DCT: variants seen among roughly 807,000 people sequenced by gnomAD.
DCT encodes dopachrome tautomerase, also known as L-dopachrome tautomerase.
In DCT, 47 loss-of-function variants were observed where a neutral mutation model predicts 53.0. The ratio of observed to expected loss-of-function variants is 0.89; its 90% confidence interval spans 0.70 to 1.13. DCT has a LOEUF of 1.13. Ranked by LOEUF, DCT falls within the 50% of genes most tolerant of loss-of-function variation. DCT has a pLI of 0.00. For missense variants in DCT, 669 were observed against 637.4 expected (o/e 1.05, Z -0.53); for synonymous variants, 244 against 237.0 (o/e 1.03, Z -0.27).
chr13:94,466,397 T>C (rs111312114), intron 3 of DCT, among the ~76,000 whole-genome samples, 161 bp downstream of exon 3: 1 of 152,158 alleles, frequency 6.6e-6, no homozygotes, highest in African/African-American at 2.4e-5. Flanking sequence ...AAAAGAGATA[T>C]CTCTATGTGA....
In DCT at chr13:94,454,980, C is replaced by T. The variant is rs150676627; in HGVS notation, c.1179+5111G>A. ...TTAACATTAAGCACATTAGAAACAA[C>T]GAACACAAAGATGATTAAATGTCTT... On this transcript the variant is annotated intron_variant, in intron 6 of 7. Coordinates refer to ENST00000377028, the MANE Select transcript of DCT (RefSeq NM_001922.5). Among the ~76,000 whole-genome samples, 656 of 152,146 alleles carry T rather than the reference C, an allele frequency of 4.3e-3. 7 individuals are homozygous for T. Among genetic ancestry groups the T allele is most frequent in the African/African-American group, 0.015 (621 of 41,516 alleles).
the DCT span, among the ~76,000 whole-genome samples, chr13:94,502,826 T>C: frequency 9.2e-5 from 14 of 152,152 alleles, no homozygotes; most frequent in African/African-American, 2.4e-5. Context: ...CCAGACCACA[T>C]CTGCTCATGC....
chr13:94,502,299 C>G, the DCT span, among the ~76,000 whole-genome samples: 1 of 151,690 alleles, frequency 6.6e-6, no homozygotes, highest in Non-Finnish European at 1.5e-5. Context: ...CCTGCTGTCC[C>G]CCTCATCCCA....
At chr13:94,461,909 T>C (rs1883816327) in intron 5 of DCT, 101 bp downstream of exon 5, 9 of 1,022,626 alleles carry the variant, frequency 8.8e-6, no homozygotes, top group South Asian at 1.7e-5. Context: ...CTTAGCTTCG[T>C]AGACAACCCC....
At chr13:94,454,558 A>T (rs1022393692) in intron 6 of DCT, among the ~76,000 whole-genome samples, 3 of 152,278 alleles carry the variant, frequency 2.0e-5, no homozygotes, top group African/African-American at 7.2e-5. Flanking sequence ...ATTACTAGAG[A>T]TTGCTTCAGA....
upstream of DCT, among the ~76,000 whole-genome samples, chr13:94,481,743 T>G (rs1007120329): frequency 3.9e-5 from 6 of 152,174 alleles, no homozygotes; most frequent in African/African-American, 1.4e-4. Flanking sequence ...CTACTGGACC[T>G]CTCTACTTGA....
the DCT span, among the ~76,000 whole-genome samples, chr13:94,502,959 AG>A: frequency 6.6e-6 from 1 of 152,332 alleles, no homozygotes; most frequent in Admixed American, 6.5e-5. Flanking sequence ...ACTAGTAAAG[AG>A]GTGGGTTATA....
rs1883679195 is a variant in DCT at position 94,460,078 on chromosome 13, T to C, written c.1179+13A>G. The C allele has an allele frequency of 6.2e-7, 1 of 1,613,256 alleles. No homozygotes were observed. Among genetic ancestry groups the C allele is most frequent in the African/African-American group, 1.3e-5 (1 of 74,892 alleles). ...CTAGAAAATTTTCATGCATTCTGAA[T>C]CTTTGAACATACCACAAAAATGGGA... On this transcript the variant is annotated intron_variant, in intron 6 of 7. Coordinates refer to ENST00000377028, the MANE Select transcript of DCT (RefSeq NM_001922.5).
the DCT span, among the ~76,000 whole-genome samples, chr13:94,547,982 AAAAT>A: frequency 2.2e-4 from 19 of 84,858 alleles, no homozygotes; most frequent in East Asian, 3.5e-4. Flanking sequence ...AAAAAAAAAA[AAAAT>A]ATATATATAT....
At chr13:94,514,756 G>C in the DCT span, among the ~76,000 whole-genome samples, 1 of 152,202 alleles carries the variant, frequency 6.6e-6, no homozygotes, top group Non-Finnish European at 1.5e-5. Context: ...ACCTAGCCTC[G>C]CATGGCAGGC....
At position 94,438,583 on chromosome 13, in the gene DCT, A is replaced by G; in HGVS notation, c.*1315T>C. ...GGCCTCGACAGACAAGCCACGCCCT[A>G]GAACTTCAGTCTCACTCCTGATGCA... On this transcript the variant is annotated 3_prime_UTR_variant, in exon 8 of 8. Transcript: ENST00000377028. 2.2e-6 allele frequency: 1 copy of G among 455,988 alleles called. No individual in the cohort carries two copies. The highest frequency in any genetic ancestry group is 4.4e-6 in the Non-Finnish European group (1 of 226,770). The allele number at this position is 455,988 out of a possible 1,614,324, so 28.2% of individuals were successfully genotyped here. A position where few individuals can be genotyped will look rare whatever the true frequency, so the allele number is the denominator to read the frequency against.
At chr13:94,495,927 T>A in the DCT span, among the ~76,000 whole-genome samples, 1 of 152,180 alleles carries the variant, frequency 6.6e-6, no homozygotes, top group African/African-American at 2.4e-5. Context: ...TGAAGCTGCA[T>A]GGTAAGTCTG....
chr13:94,489,465 A>G, the DCT span, among the ~76,000 whole-genome samples: 1 of 152,196 alleles, frequency 6.6e-6, no homozygotes, highest in Non-Finnish European at 1.5e-5. Context: ...TACTTAATAA[A>G]GCATAATTTT....
At chr13:94,477,604 T>C (rs576915144) in intron 1 of DCT, among the ~76,000 whole-genome samples, 1 of 152,102 alleles carries the variant, frequency 6.6e-6, no homozygotes, top group South Asian at 2.1e-4. Context: ...AATATATCTA[T>C]GTCACAAACC....
chr13:94,472,037 C>T (rs961779703), intron 1 of DCT, among the ~76,000 whole-genome samples: 6 of 151,946 alleles, frequency 3.9e-5, no homozygotes, highest in Admixed American at 3.3e-4. Flanking sequence ...AAATAACACA[C>T]CTAAAATTTA....
intron 1 of DCT, among the ~76,000 whole-genome samples, chr13:94,471,857 T>C (rs543313260): frequency 3.3e-5 from 5 of 152,158 alleles, no homozygotes; most frequent in Non-Finnish European, 7.3e-5. Context: ...ATGATAATAA[T>C]GTCGGTAGAG....
Position 94,439,552 on chromosome 13 carries a change from C to A in DCT, c.*346G>T. On this transcript the variant is annotated 3_prime_UTR_variant, in exon 8 of 8. Transcript: ENST00000377028. ...TGACCTGCAAATTTAAATGACTCCC[C>A]TGGATCAATGTTTTGGGATTTTTTT... 1 of 163,584 alleles carries A rather than the reference C, an allele frequency of 6.1e-6. No individual in the cohort carries two copies. Among genetic ancestry groups the A allele is most frequent in the Admixed American group, 6.6e-5 (1 of 15,080 alleles). 10.1% of individuals were successfully genotyped at this position (163,584 alleles called of 1,614,324 possible).
chr13:94,507,410 C>T, the DCT span, among the ~76,000 whole-genome samples: 1 of 152,010 alleles, frequency 6.6e-6, no homozygotes, highest in Non-Finnish European at 1.5e-5. Context: ...AATCTCACAC[C>T]ACAAGCGAAC....
intron 6 of DCT, chr13:94,452,623 T>C (rs1027275713): frequency 1.3e-6 from 1 of 770,646 alleles, no homozygotes; most frequent in African/African-American, 1.7e-5. Context: ...TGTTCAAGGA[T>C]GTTTGTTGTA....
Sources: gnomAD v4.1 joint callset for allele counts (sites outside exome capture counted in the v4.1 genomes callset) on GRCh38, gnomAD v4.1.1 for gene constraint, MANE v1.5 for transcripts, NCBI Gene and HGNC (gene_info 2026-07-23, HGNC 2026-07-21) for gene names.